ITPR2: variants seen among roughly 807,000 people sequenced by gnomAD.
ITPR2 encodes the protein inositol 1,4,5-trisphosphate-gated calcium channel ITPR2.
Under a neutral mutation model 317.1 loss-of-function variants are expected in ITPR2, and 207 were observed. The ratio of observed to expected loss-of-function variants is 0.65; its 90% CI spans 0.58 to 0.73. ITPR2 has a LOEUF of 0.73. Among genes scored for constraint, ITPR2 ranks in the 30% least tolerant of loss-of-function variants. The pLI, the probability that ITPR2 is intolerant of heterozygous loss-of-function variation, is 0.00. For missense variants in ITPR2, 2,613 were observed against 3,284.0 expected, an observed-to-expected ratio of 0.80 and a Z score of 4.99; for synonymous variants, 1,156 against 1,149.1, an observed-to-expected ratio of 1.01 and a Z score of -0.12.
intron 5 of ITPR2, among the ~76,000 whole-genome samples, chr12:26,720,436 C>T (rs1248362789): frequency 5.3e-5 from 8 of 152,000 alleles, no homozygotes; most frequent in African/African-American, 9.7e-5. Context: ...ATGAAGTGAC[C>T]GTATTTCCAA....
At position 26,658,648 on chromosome 12, in the gene ITPR2, G is replaced by A. The variant is rs764370567; in HGVS notation, c.1886+465C>T. On this transcript the variant is annotated intron_variant, in intron 16 of 56. Transcript: ENST00000381340. ...GTCTGCACTCATTTCTTCAAGATAA[G>A]GCAGCATGGTACAACAGAAAAAGAG... Among the ~76,000 whole-genome samples the A allele has an allele frequency of 8.5e-5, 13 of 152,280 alleles. No individual in the cohort carries two copies. The Middle Eastern group carries it at 0.01, about 120-fold the overall frequency.
At chr12:26,700,611 G>A (rs1948427471) in intron 9 of ITPR2, among the ~76,000 whole-genome samples, 1 of 152,118 alleles carries the variant, frequency 6.6e-6, no homozygotes, top group South Asian at 2.1e-4. Flanking sequence ...CTTCCCTCCT[G>A]CCTCCATAAA....
At chr12:26,478,427 G>C (rs1942465064) in intron 43 of ITPR2, among the ~76,000 whole-genome samples, 2 of 151,956 alleles carry the variant, frequency 1.3e-5, no homozygotes, top group South Asian at 2.1e-4. Flanking sequence ...TAAATCCTAG[G>C]AGTAATCTGA....
chr12:26,379,400 A>C (rs192318934), intron 55 of ITPR2, among the ~76,000 whole-genome samples: 1 of 152,294 alleles, frequency 6.6e-6, no homozygotes, highest in African/African-American at 2.4e-5. Context: ...ATCCACAGTC[A>C]ATACTTATCC....
intron 55 of ITPR2, among the ~76,000 whole-genome samples, chr12:26,353,861 C>T (rs1448509649): frequency 1.3e-5 from 2 of 152,092 alleles, no homozygotes; most frequent in African/African-American, 4.8e-5. Context: ...CACACACACA[C>T]CTCTATATAC....
chr12:26,641,410 A>G lies in ITPR2; in HGVS notation c.2741-9351T>C, dbSNP rs190855863. Among the ~76,000 whole-genome samples the G allele has an allele frequency of 2.6e-5, 4 of 151,858 alleles. No homozygotes were observed. In the East Asian group the frequency reaches 7.8e-4, roughly 29 times the overall value. ...AACTGTGTATAAAGAAAGCAATAAA[A>G]TAATAATAGAAAGAATATCAACTGT... On this transcript the variant is annotated intron_variant, in intron 21 of 56. Transcript: ENST00000381340.
Position 26,806,217 on chromosome 12 carries a change from A to T in ITPR2, c.93-15990T>A, listed in dbSNP as rs912510669. Among the ~76,000 whole-genome samples, 5 of 152,312 alleles carry T rather than the reference A, an allele frequency of 3.3e-5. No homozygotes were observed. In the South Asian group the frequency reaches 1.0e-3, roughly 32 times the overall value. On this transcript the variant is annotated intron_variant, in intron 1 of 56. Transcript: ENST00000381340. The stretch of plus-strand genomic sequence containing the variant: ...AATTATATATGGCAATATAGTAATG[A>T]CCATAAATATAGTGCAGTTAAGTAC...
At chr12:26,396,615 C>T (rs754864324) in intron 54 of ITPR2, among the ~76,000 whole-genome samples, 7 of 152,066 alleles carry the variant, frequency 4.6e-5, no homozygotes, top group Non-Finnish European at 8.8e-5. Flanking sequence ...TCTCTTCTCA[C>T]TCGGACACCC....
chr12:26,697,626 T>A (rs1435271304), intron 9 of ITPR2, among the ~76,000 whole-genome samples: 6 of 152,042 alleles, frequency 3.9e-5, no homozygotes, highest in Admixed American at 3.3e-4. Flanking sequence ...CTGGCCAACA[T>A]GGTAAGACCC....
At chr12:26,731,724 G>A (rs1949031728) in intron 2 of ITPR2, among the ~76,000 whole-genome samples, 1 of 152,186 alleles carries the variant, frequency 6.6e-6, no homozygotes, top group South Asian at 2.1e-4. Context: ...CTTGAGCCTA[G>A]GAGTTCAAGG....
At chr12:26,574,927 C>G (rs777409126) in intron 34 of ITPR2, among the ~76,000 whole-genome samples, 1 of 151,832 alleles carries the variant, frequency 6.6e-6, no homozygotes. Context: ...TCCCCACGAT[C>G]CAGCCACCTC....
intron 1 of ITPR2, 88 bp from the exon 2 acceptor site, chr12:26,790,315 C>G: frequency 9.7e-7 from 1 of 1,033,194 alleles, no homozygotes. Flanking sequence ...AAATATTTAC[C>G]AAAAGTTTTA....
chr12:26,604,654 G>A (rs747191999), intron 26 of ITPR2, among the ~76,000 whole-genome samples: 1 of 152,122 alleles, frequency 6.6e-6, no homozygotes, highest in Admixed American at 6.5e-5. Context: ...ACATTACTAA[G>A]TTAGACTCCA....
chr12:26,508,547 G>T (rs1296505130), intron 37 of ITPR2, among the ~76,000 whole-genome samples: 1 of 152,066 alleles, frequency 6.6e-6, no homozygotes, highest in Non-Finnish European at 1.5e-5. Context: ...TATTGATAGA[G>T]ATGAGAGGTA....
Position 26,620,420 on chromosome 12 carries a change from G to C in ITPR2, c.3462+703C>G, listed in dbSNP as rs145975557. 2.4e-3 allele frequency among the ~76,000 whole-genome samples: 371 copies of C among 152,308 alleles called. 1 individual carries two copies. Among genetic ancestry groups the C allele is most frequent in the African/African-American group, 8.6e-3 (357 of 41,568 alleles). ...GTAAACCCATCAAAACGGCTTATATGCCTGCAGATTAAAAAACAACTATAT... is the reference window on the plus strand; with the variant it reads ...GTAAACCCATCAAAACGGCTTATATCCCTGCAGATTAAAAAACAACTATAT... On this transcript the variant is annotated intron_variant, in intron 26 of 56. Coordinates refer to ENST00000381340, the MANE Select transcript of ITPR2 (RefSeq NM_002223.4).
intron 21 of ITPR2, among the ~76,000 whole-genome samples, chr12:26,640,910 G>A (rs1946969025): frequency 1.3e-5 from 2 of 152,144 alleles, no homozygotes; most frequent in Non-Finnish European, 2.9e-5. Context: ...TAGTATTACT[G>A]GGGAAACAGC....
At chr12:26,675,455 C>A (rs1947885970) in intron 13 of ITPR2, among the ~76,000 whole-genome samples, 1 of 151,882 alleles carries the variant, frequency 6.6e-6, no homozygotes, top group Admixed American at 6.6e-5. Context: ...GAACAAAAAA[C>A]CAAACACCAC....
At position 26,633,789 on chromosome 12, in the gene ITPR2, T is replaced by C. The variant is rs1045358968; in HGVS notation, c.2741-1730A>G. On this transcript the variant is annotated intron_variant, in intron 21 of 56. Transcript: ENST00000381340. ...ATCTGAGACTTGATTCAAGTATGTA[T>C]ACGTGTTTGCCTCCAAGAGATGCTT... Among the ~76,000 whole-genome samples the C allele has an allele frequency of 3.9e-5, 6 of 152,232 alleles. No homozygotes were observed. In the East Asian group the frequency reaches 7.7e-4, roughly 20 times the overall value.
chr12:26,363,845 G>A (rs1938921003), intron 55 of ITPR2, among the ~76,000 whole-genome samples: 3 of 152,058 alleles, frequency 2.0e-5, no homozygotes, highest in South Asian at 4.2e-4. Context: ...CTAAAATCTC[G>A]ACTCATGATA....
Sources: gnomAD v4.1 joint callset for allele counts (sites outside exome capture counted in the v4.1 genomes callset) on GRCh38, gnomAD v4.1.1 for gene constraint, MANE v1.5 for transcripts, NCBI Gene and HGNC (gene_info 2026-07-23, HGNC 2026-07-21) for gene names.